The following DECR2 variants were observed in gnomAD, a reference collection of about 807,000 sequenced individuals.
DECR2 encodes 2,4-dienoyl-CoA reductase 2.
In DECR2, 34 loss-of-function variants were observed where a neutral mutation model predicts 29.2. That is an observed-to-expected ratio of 1.16 (90% CI 0.89 to 1.55). The LOEUF is 1.55. Among genes scored for constraint, DECR2 ranks in the 40% most tolerant of loss-of-function variants. The pLI is 0.00. For synonymous variants in DECR2, 224 were observed against 182.7 expected (o/e 1.23, Z -1.82); for missense variants, 485 against 425.3 (o/e 1.14, Z -1.23).
At position 410,723 on chromosome 16, in the gene DECR2, C is replaced by T. The variant is rs375711492; in HGVS notation, c.495C>T (p.Ala165=). ...DHGGVIVNIT[A]TLGNRGQALQ... The stretch of plus-strand genomic sequence containing the variant: ...GAGGGGTGATCGTGAACATCACTGC[C>T]ACCCTGGGGAACCGGGGGCAGGCGC... The change falls in exon 6 of 9, where the codon GCC becomes GCT. Residue 165 remains alanine, a synonymous_variant. Coordinates refer to ENST00000219481, the MANE Select transcript of DECR2 (RefSeq NM_020664.4). The surrounding 1 kb of genome is among the most constrained non-coding windows in gnomAD (Gnocchi z 4.1). The T allele has an allele frequency of 1.2e-6, 2 of 1,608,282 alleles. No homozygotes were observed. The highest frequency in any genetic ancestry group is 1.7e-6 in the Non-Finnish European group (2 of 1,178,972).
Position 402,028 on chromosome 16 carries a change from GC to G in DECR2, c.68del (p.Pro23ArgfsTer34). 6.8e-7 allele frequency: 1 copy of G among 1,474,840 alleles called. No homozygotes were observed. Among genetic ancestry groups the G allele is most frequent in the Non-Finnish European group, 8.9e-7 (1 of 1,118,252 alleles). 91.4% of individuals were successfully genotyped at this position (1,474,840 alleles called of 1,614,324 possible). A position where few individuals can be genotyped will look rare whatever the true frequency, so the allele number is the denominator to read the frequency against. On this transcript the variant is annotated frameshift_variant, in exon 1 of 9. Coordinates refer to ENST00000219481, the MANE Select transcript of DECR2 (RefSeq NM_020664.4). LOFTEE classifies it high-confidence loss of function. ...DCLPAYRHLFCPDLLRDKVAF... is the reference protein window; with the variant it reads ...DCLPAYRHLFXPDLLRDKVAF... ...CTCCCCGCGTACCGCCACCTCTTCTGCCCGGACCTGCTGCGGTGAGCGGGGC... is the reference window on the plus strand; with the variant it reads ...CTCCCCGCGTACCGCCACCTCTTCTGCCGGACCTGCTGCGGTGAGCGGGGC...
At chr16:408,170 T>TCTGTCTCCGGCCCC (rs1567340943) in intron 4 of DECR2, among the ~76,000 whole-genome samples, 24 of 67,580 alleles carry the variant, frequency 3.6e-4, no homozygotes, top group African/African-American at 1.1e-3. Flanking sequence ...TCTCCGGGCC[T>TCTGTCTCCGGCCCC]CTGTCTCCGG....
At chr16:402,167 T>A in intron 1 of DECR2, 124 bp downstream of exon 1, 1 of 757,952 alleles carries the variant, frequency 1.3e-6, no homozygotes, top group Non-Finnish European at 1.8e-6. Context: ...CTCCTTTCTT[T>A]CTTTTTTCTT....
Position 403,401 on chromosome 16 carries a change from T to C in DECR2, c.80+1358T>C, listed in dbSNP as rs1222520082. 4.3e-4 allele frequency among the ~76,000 whole-genome samples: 66 copies of C among 152,198 alleles called. 1 individual carries two copies. The highest frequency in any genetic ancestry group is 4.4e-5 in the Non-Finnish European group (3 of 68,040). On this transcript the variant is annotated intron_variant, in intron 1 of 8. Transcript: ENST00000219481. ...TTTGCCATCCATCTGGTACAGTTTG[T>C]GCCAGTCATACCGATCAGTACACAT... is the stretch of plus-strand genomic sequence containing the variant.
At chr16:405,690 G>A (rs1451904159) in intron 2 of DECR2, 2 of 1,092,244 alleles carry the variant, frequency 1.8e-6, no homozygotes, top group Non-Finnish European at 2.5e-6. Context: ...GAATTTGTGG[G>A]CAGAAGCGTA....
rs1318701138 is a variant in DECR2, at chr16:412,428, C to T, written c.*539C>T. ...CTATTTACTGTAAAAATAAATTGGA[C>T]TTTGCAAAAGCTTTTAGAAGGAAAA... On this transcript the variant is annotated 3_prime_UTR_variant, in exon 9 of 9. Coordinates refer to ENST00000219481, the MANE Select transcript of DECR2 (RefSeq NM_020664.4). 1 of 152,116 alleles carries T rather than the reference C, an allele frequency of 6.6e-6. No homozygotes were observed. Among genetic ancestry groups the T allele is most frequent in the African/African-American group, 2.4e-5 (1 of 41,392 alleles). 9.4% of individuals were successfully genotyped at this position (152,116 alleles called of 1,614,324 possible).
chr16:405,022 G>T lies in DECR2; in HGVS notation c.147G>T (p.Met49Ile). ...GGTTCCGGATTGCTGAGATTTTCAT[G>T]CGGTGAGACTGCTCTGTGTCCCTTC... ...GIGFRIAEIF[M>I]RHGCHTVIAS... Residue 49 changes from methionine to isoleucine, a missense_variant and splice_region_variant, in exon 2 of 9, where the codon ATG (methionine) becomes ATT (isoleucine). By Grantham distance (10) the Met-to-Ile change is conservative. Coordinates refer to ENST00000219481, the MANE Select transcript of DECR2 (RefSeq NM_020664.4). 1 of 1,614,112 alleles carries T rather than the reference G, an allele frequency of 6.2e-7. No individual in the cohort carries two copies. Among genetic ancestry groups the T allele is most frequent in the South Asian group, 1.1e-5 (1 of 91,082 alleles).
chr16:411,225 C>A, intron 7 of DECR2, 136 bp from the exon 8 acceptor site: 1 of 1,169,488 alleles, frequency 8.6e-7, no homozygotes, highest in Non-Finnish European at 1.2e-6. Flanking sequence ...TGGCCTGATC[C>A]TGCTCCATGC....
At chr16:405,101 A>T in intron 2 of DECR2, 77 bp downstream of exon 2, 2 of 1,561,828 alleles carry the variant, frequency 1.3e-6, no homozygotes, top group African/African-American at 2.7e-5. Context: ...ACCCCTGGAA[A>T]GATGTTGGTG....
chr16:411,608 A>G (rs2054820608), intron 8 of DECR2, 30 bp downstream of exon 8: 5 of 1,587,172 alleles, frequency 3.2e-6, no homozygotes, highest in Non-Finnish European at 4.3e-6. Flanking sequence ...TCTTGGGGTC[A>G]TCTGTGTCCT....
At chr16:406,940 A>G (rs2054732046) in intron 3 of DECR2, 2 of 1,026,548 alleles carry the variant, frequency 1.9e-6, no homozygotes, top group Non-Finnish European at 2.3e-6. Context: ...TATCCTAAAT[A>G]TGGAGCTTCA....
chr16:411,413 G>A lies in DECR2; in HGVS notation c.714G>A (p.Arg238=). 6.2e-7 allele frequency: 1 copy of A among 1,613,006 alleles called. No homozygotes were observed. Among genetic ancestry groups the A allele is most frequent in the Non-Finnish European group, 8.5e-7 (1 of 1,179,962 alleles). ...STKVTASPLQ[R]LGNKTEIAHS... is the part of the protein sequence containing the mutation. ...AGGTCACTGCCAGCCCGCTGCAGAG[G>A]CTGGGGAACAAGACCGAGATCGCCC... The change falls in exon 8 of 9, where the codon AGG becomes AGA. Residue 238 remains arginine (R), a synonymous_variant. Coordinates refer to ENST00000219481, the MANE Select transcript of DECR2 (RefSeq NM_020664.4).
Position 402,021 on chromosome 16 carries a change from C to G in DECR2, c.58C>G (p.Leu20Val), listed in dbSNP as rs750959238. ...GDDCLPAYRH[L>V]FCPDLLRDKV... is the part of the protein sequence containing the mutation. The stretch of plus-strand genomic sequence containing the variant: ...CGACTGTCTCCCCGCGTACCGCCAC[C>G]TCTTCTGCCCGGACCTGCTGCGGTG... Residue 20 changes from leucine (L) to valine (V), a missense_variant, in exon 1 of 9, where the codon CTC becomes GTC. By Grantham distance (32) the Leu-to-Val change is conservative. Transcript: ENST00000219481. The G allele has an allele frequency of 2.0e-6, 3 of 1,484,996 alleles. No individual in the cohort carries two copies. Among genetic ancestry groups the G allele is most frequent in the Non-Finnish European group, 2.7e-6 (3 of 1,124,276 alleles). The allele number at this position is 1,484,996 out of a possible 1,614,324, so 92.0% of individuals were successfully genotyped here. A position where few individuals can be genotyped will look rare whatever the true frequency, so the allele number is the denominator to read the frequency against.
rs558262846 is a variant in DECR2 at position 410,301 on chromosome 16, C to G, written c.396C>G (p.Thr132=). ...CCTTGTCCTTCAACGCCTTCAAGAC[C>G]GTGATGGACATCGATACCAGCGGCA... The part of the protein sequence containing the change: ...AGALSFNAFK[T]VMDIDTSGTF... The change falls in exon 5 of 9, where the codon ACC becomes ACG. Residue 132 remains threonine (T), a synonymous_variant. Transcript: ENST00000219481. This position sits in a 1 kb window ranked among gnomAD's most constrained non-coding sequence, Gnocchi z 4.1. 1.9e-5 allele frequency: 30 copies of G among 1,613,726 alleles called. No homozygotes were observed. The East Asian group carries it at 5.8e-4, about 31-fold the overall frequency.
intron 4 of DECR2, chr16:409,702 C>A: frequency 6.5e-6 from 1 of 152,912 alleles, no homozygotes. Flanking sequence ...TATAATCTCC[C>A]AGTTCTGGAG....
intron 2 of DECR2, chr16:405,413 G>A: frequency 1.3e-6 from 1 of 766,354 alleles, no homozygotes; most frequent in Non-Finnish European, 1.8e-6. Flanking sequence ...TGGGGGAAAG[G>A]GACCCTTCCT....
At chr16:405,146 G>A in intron 2 of DECR2, 122 bp downstream of exon 2, 1 of 1,223,810 alleles carries the variant, frequency 8.2e-7, no homozygotes, top group Non-Finnish European at 1.2e-6. Context: ...TACCCGACAG[G>A]ATCCAGGTGC....
Position 401,991 on chromosome 16 carries a change from G to C in DECR2, c.28G>C (p.Gly10Arg). 1 of 1,490,754 alleles carries C rather than the reference G, an allele frequency of 6.7e-7. No homozygotes were observed. The highest frequency in any genetic ancestry group is 8.9e-7 in the Non-Finnish European group (1 of 1,128,418). The allele number at this position is 1,490,754 out of a possible 1,614,324, so 92.3% of individuals were successfully genotyped here. MAQPPPDVE[G>R]DDCLPAYRHL... ...GGCCCAGCCGCCGCCCGACGTGGAG[G>C]GGGACGACTGTCTCCCCGCGTACCG... The change falls in exon 1 of 9, where the codon GGG becomes CGG. Residue 10 changes from glycine to arginine, a missense_variant. Coordinates refer to ENST00000219481, the MANE Select transcript of DECR2 (RefSeq NM_020664.4).
rs749395910 is a variant in DECR2, at chr16:410,656, C to T, written c.463-35C>T. The T allele has an allele frequency of 1.0e-5, 16 of 1,559,530 alleles. No individual in the cohort carries two copies. The highest frequency in any genetic ancestry group is 8.1e-5 in the African/African-American group (6 of 74,098). Reference sequence around the variant, plus strand: ...CTGTCCTGTGACCTCCCCCGACACCCGCCCGCTCACTGCCCCGGGCCTTGT... The same window carrying T: ...CTGTCCTGTGACCTCCCCCGACACCTGCCCGCTCACTGCCCCGGGCCTTGT... On this transcript the variant is annotated intron_variant, in intron 5 of 8. Coordinates refer to ENST00000219481, the MANE Select transcript of DECR2 (RefSeq NM_020664.4). The surrounding 1 kb of genome is among the most constrained non-coding windows in gnomAD (Gnocchi z 4.1).
Sources: allele counts gnomAD v4.1 joint callset (sites outside exome capture counted in the v4.1 genomes callset), GRCh38; gene constraint gnomAD v4.1.1; non-coding constraint Gnocchi (gnomAD v3.1); transcripts MANE v1.5; gene names NCBI Gene and HGNC (gene_info 2026-07-23, HGNC 2026-07-21).